The following CDK14 variants were observed in gnomAD, a reference collection of about 807,000 sequenced individuals.
The protein encoded by CDK14 is cyclin dependent kinase 14.
In CDK14, 34 loss-of-function variants were observed where a neutral mutation model predicts 60.7. The ratio of observed to expected loss-of-function variants is 0.56; its 90% CI spans 0.43 to 0.75. The LOEUF is 0.75. Ranked by LOEUF, CDK14 falls within the 30% of genes least tolerant of loss-of-function variation. CDK14 has a pLI of 0.00. For missense variants in CDK14, 482 were observed against 564.1 expected, an observed-to-expected ratio of 0.85 and a Z score of 1.47; for synonymous variants, 197 against 203.7, an observed-to-expected ratio of 0.97 and a Z score of 0.28.
chr7:91,076,242 CAAAAAAAAAAAAAAAAAAA>C (rs564729987), intron 11 of CDK14, among the ~76,000 whole-genome samples: 13 of 28,758 alleles, frequency 4.5e-4, no homozygotes, highest in Admixed American at 1.4e-3. Context: ...CTACAGTAAC[CAAAAAAAAAAAAAAAAAAA>C]AAAAAAAAAA....
chr7:91,118,795 A>G (rs1204937606), intron 14 of CDK14, among the ~76,000 whole-genome samples: 2 of 152,204 alleles, frequency 1.3e-5, no homozygotes, highest in Non-Finnish European at 2.9e-5. Flanking sequence ...GGCTCCTGGT[A>G]CGGACCTTAT....
intron 14 of CDK14, among the ~76,000 whole-genome samples, chr7:91,124,184 A>G (rs534525761): frequency 1.1e-4 from 16 of 152,272 alleles, no homozygotes; most frequent in African/African-American, 3.6e-4. Context: ...AACTATGCCC[A>G]GCCTTCAAGC....
intron 5 of CDK14, among the ~76,000 whole-genome samples, chr7:90,840,033 G>A (rs1790239447): frequency 6.6e-6 from 1 of 152,130 alleles, no homozygotes; most frequent in South Asian, 2.1e-4. Context: ...ACTTTGGGAT[G>A]ATGGGATAAG....
Position 90,863,212 on chromosome 7 carries a change from G to A in CDK14, c.582G>A (p.Val194=). The A allele has an allele frequency of 1.2e-6, 2 of 1,609,954 alleles. No individual in the cohort carries two copies. Among genetic ancestry groups the A allele is most frequent in the Non-Finnish European group, 1.7e-6 (2 of 1,177,052 alleles). The change falls in exon 6 of 15, where the codon GTG becomes GTA. Residue 194 remains valine (V), a synonymous_variant. Coordinates refer to ENST00000380050, the MANE Select transcript of CDK14 (RefSeq NM_001287135.2). ...AAGGACTAAAACATGCTAACATAGTGCTACTTCATGACATCATCCATACCA... is the reference window on the plus strand; with the variant it reads ...AAGGACTAAAACATGCTAACATAGTACTACTTCATGACATCATCCATACCA... ...LLKGLKHANI[V]LLHDIIHTKE...
chr7:91,061,029 A>G (rs1236134719), intron 11 of CDK14, among the ~76,000 whole-genome samples: 1 of 152,206 alleles, frequency 6.6e-6, no homozygotes, highest in Non-Finnish European at 1.5e-5. Context: ...CATCACTTTC[A>G]GGTACACCAG....
chr7:91,119,681 G>A lies in CDK14; in HGVS notation c.*28+1473G>A, dbSNP rs372995758. 6.6e-5 allele frequency among the ~76,000 whole-genome samples: 10 copies of A among 152,194 alleles called. No individual in the cohort carries two copies. The East Asian group carries it at 1.5e-3, about 24-fold the overall frequency. On this transcript the variant is annotated intron_variant, in intron 14 of 14. Transcript: ENST00000380050. Reference sequence around the variant, plus strand: ...TCTGCCAGTATCTTGAGCTACTTCTGGACTTAGCTTTTGAATACCCTCAAC... The same window carrying A: ...TCTGCCAGTATCTTGAGCTACTTCTAGACTTAGCTTTTGAATACCCTCAAC...
At chr7:90,796,310 G>T (rs1235050811) in intron 5 of CDK14, among the ~76,000 whole-genome samples, 1 of 152,192 alleles carries the variant, frequency 6.6e-6, no homozygotes. Context: ...GTCATTCAGT[G>T]TGTTGCAGAT....
intron 10 of CDK14, among the ~76,000 whole-genome samples, chr7:91,035,897 G>T (rs1796917560): frequency 7.8e-6 from 1 of 128,800 alleles, no homozygotes; most frequent in Non-Finnish European, 1.5e-5. Context: ...ACTGCGGACT[G>T]CAGTGGCGCA....
At chr7:90,675,349 A>G (rs1279868403) in intron 2 of CDK14, among the ~76,000 whole-genome samples, 1 of 152,076 alleles carries the variant, frequency 6.6e-6, no homozygotes, top group South Asian at 2.1e-4. Context: ...CAAACTTCTT[A>G]AAAGTATTTT....
At chr7:91,180,477 C>T (rs1801966673) in intron 14 of CDK14, among the ~76,000 whole-genome samples, 1 of 150,286 alleles carries the variant, frequency 6.7e-6, no homozygotes, top group Admixed American at 6.6e-5. Flanking sequence ...TATACACATA[C>T]ATGCATAGAA....
intron 2 of CDK14, among the ~76,000 whole-genome samples, chr7:90,719,399 G>A (rs1802364438): frequency 6.6e-6 from 1 of 152,120 alleles, no homozygotes; most frequent in African/African-American, 2.4e-5. Flanking sequence ...TTTTCAGACC[G>A]AATGAATTCA....
chr7:90,929,126 A>G (rs1793512624), intron 8 of CDK14, among the ~76,000 whole-genome samples: 2 of 152,170 alleles, frequency 1.3e-5, no homozygotes, highest in Admixed American at 6.5e-5. Flanking sequence ...ATTTTCTGTC[A>G]CGGCTTCTCT....
At position 90,675,416 on chromosome 7, in the gene CDK14, T is replaced by C. The variant is rs145165850; in HGVS notation, c.124-51151T>C. On this transcript the variant is annotated intron_variant, in intron 2 of 14. Transcript: ENST00000380050. ...GAATATAGGATTTTTTTTTCCTAAA[T>C]GAATGCTGTCATAGATCATGTAGAG... Among the ~76,000 whole-genome samples the C allele has an allele frequency of 6.8e-3, 1,037 of 151,886 alleles. 10 individuals are homozygous for C. Among genetic ancestry groups the C allele is most frequent in the African/African-American group, 0.023 (947 of 41,406 alleles).
intron 10 of CDK14, among the ~76,000 whole-genome samples, chr7:90,998,338 A>G (rs376926759): frequency 6.6e-6 from 1 of 152,346 alleles, no homozygotes; most frequent in East Asian, 1.9e-4. Context: ...TACATGATTT[A>G]AAAAAAGGAT....
chr7:90,906,652 G>A (rs1438493508), intron 7 of CDK14, among the ~76,000 whole-genome samples: 1 of 151,830 alleles, frequency 6.6e-6, no homozygotes, highest in Non-Finnish European at 1.5e-5. Context: ...ATTGTGTATT[G>A]TAAAAATGTG....
intron 14 of CDK14, among the ~76,000 whole-genome samples, chr7:91,174,814 A>T (rs1235854788): frequency 7.4e-4 from 54 of 72,576 alleles, no homozygotes; most frequent in Non-Finnish European, 1.2e-3. Flanking sequence ...ATGTGAAAAG[A>T]CCAAATCTAC....
chr7:90,775,001 A>AT (rs1786923094), intron 4 of CDK14, among the ~76,000 whole-genome samples: 1 of 152,038 alleles, frequency 6.6e-6, no homozygotes, highest in African/African-American at 2.4e-5. Context: ...CAGTGATGTG[A>AT]TTTTTTTGGT....
At chr7:90,699,973 A>G (rs1801747623) in intron 2 of CDK14, among the ~76,000 whole-genome samples, 1 of 152,180 alleles carries the variant, frequency 6.6e-6, no homozygotes. Flanking sequence ...CTAAATTAGA[A>G]TAAATATTGG....
intron 2 of CDK14, among the ~76,000 whole-genome samples, chr7:90,705,585 A>G (rs920813988): frequency 1.3e-5 from 2 of 150,674 alleles, no homozygotes; most frequent in African/African-American, 4.9e-5. Context: ...GAGAAAGTTC[A>G]TGGTTCTGCT....
Sources: gnomAD v4.1 joint callset for allele counts (sites outside exome capture counted in the v4.1 genomes callset) on GRCh38, gnomAD v4.1.1 for gene constraint, MANE v1.5 for transcripts, NCBI Gene and HGNC (gene_info 2026-07-23, HGNC 2026-07-21) for gene names.